The following CASZ1 variants were observed in gnomAD, a reference collection of about 807,000 sequenced individuals.
The protein encoded by CASZ1 is castor zinc finger 1.
In CASZ1, 28 loss-of-function variants were observed where a neutral mutation model predicts 135.2. The ratio of observed to expected loss-of-function variants is 0.21; its 90% CI spans 0.15 to 0.28. CASZ1 has a LOEUF of 0.28. Ranked by LOEUF, CASZ1 falls within the 10% of genes least tolerant of loss-of-function variation. The probability of loss-of-function intolerance (pLI) is 1.00; values close to 1 mark genes in which losing one functional copy is unlikely to be tolerated. For synonymous variants in CASZ1, 1,068 were observed against 1,073.4 expected, an observed-to-expected ratio of 0.99 and a Z score of 0.10; for missense variants, 2,161 against 2,453.3, an observed-to-expected ratio of 0.88 and a Z score of 2.52.
In CASZ1 at chr1:10,648,195, G is replaced by A. The variant is rs926922754; in HGVS notation, c.3159-56C>T. 3.1e-6 allele frequency: 4 copies of A among 1,277,690 alleles called. No individual in the cohort carries two copies. The African/African-American group carries it at 6.0e-5, about 19-fold the overall frequency. 79.1% of individuals were successfully genotyped at this position (1,277,690 alleles called of 1,614,324 possible). On this transcript the variant is annotated intron_variant, in intron 15 of 20. Coordinates refer to ENST00000377022, the MANE Select transcript of CASZ1 (RefSeq NM_001079843.3). ...GGGGCAGTGAAGACAGGTGTGGAGG[G>A]GCATGCATGTGACCCCATCACAGGC...
At chr1:10,655,457 G>C (rs1337572372) in intron 9 of CASZ1, among the ~76,000 whole-genome samples, 192 bp downstream of exon 9, 1 of 152,262 alleles carries the variant, frequency 6.6e-6, no homozygotes, top group African/African-American at 2.4e-5. Flanking sequence ...ACCAGACGCT[G>C]CCCAAGCCTG....
rs1167521278 is a variant in CASZ1 at position 10,740,787 on chromosome 1, CA to C, written c.-77+19913del. On this transcript the variant is annotated intron_variant, in intron 2 of 20. Coordinates refer to ENST00000377022, the MANE Select transcript of CASZ1 (RefSeq NM_001079843.3). ...AATACAGTGAGACCCTGTGTCTCCA[CA>C]AAAAAAATTTTTTTTTAAAATTAGC... Among the ~76,000 whole-genome samples the C allele has an allele frequency of 5.9e-5, 9 of 151,614 alleles. No homozygotes were observed. The East Asian group carries it at 1.2e-3, about 20-fold the overall frequency.
chr1:10,722,427 A>C (rs957125351), intron 2 of CASZ1, among the ~76,000 whole-genome samples: 4 of 152,224 alleles, frequency 2.6e-5, no homozygotes, highest in African/African-American at 9.7e-5. Flanking sequence ...GGGCCAGCGA[A>C]CAAGGGGAGC....
At chr1:10,656,974 G>C (rs1032430037) in intron 7 of CASZ1, among the ~76,000 whole-genome samples, 1 of 152,158 alleles carries the variant, frequency 6.6e-6, no homozygotes, top group Admixed American at 6.5e-5. Context: ...GTCAAAGTAG[G>C]GGGAGACAGA....
intron 1 of CASZ1, among the ~76,000 whole-genome samples, chr1:10,769,755 G>C (rs977037353): frequency 1.3e-5 from 2 of 152,194 alleles, no homozygotes; most frequent in Non-Finnish European, 2.9e-5. Flanking sequence ...GACCTCAAGT[G>C]ATCTGCCCAC....
At chr1:10,795,747 C>G (rs966673451) in intron 1 of CASZ1, among the ~76,000 whole-genome samples, 2 of 145,878 alleles carry the variant, frequency 1.4e-5, no homozygotes, top group Non-Finnish European at 3.1e-5. Context: ...CGCCACTTGC[C>G]GCGCCTGGAG....
At chr1:10,662,560 AC>A (rs1251863880) in intron 5 of CASZ1, among the ~76,000 whole-genome samples, 1 of 151,730 alleles carries the variant, frequency 6.6e-6, no homozygotes, top group Non-Finnish European at 1.5e-5. Flanking sequence ...CACACTCTAC[AC>A]ACCCAGTCAT....
At chr1:10,760,085 G>A (rs1402031760) in intron 2 of CASZ1, among the ~76,000 whole-genome samples, 1 of 152,148 alleles carries the variant, frequency 6.6e-6, no homozygotes, top group African/African-American at 2.4e-5. Context: ...CCTGCCTTAC[G>A]CAAAGGGCTA....
intron 1 of CASZ1, among the ~76,000 whole-genome samples, chr1:10,793,228 G>T (rs1399676908): frequency 6.7e-6 from 1 of 148,624 alleles, no homozygotes; most frequent in East Asian, 2.0e-4. Context: ...AAAGAATTTT[G>T]CTCTTATATG....
chr1:10,661,888 A>G (rs920081430), intron 5 of CASZ1, among the ~76,000 whole-genome samples: 1 of 151,908 alleles, frequency 6.6e-6, no homozygotes, highest in Non-Finnish European at 1.5e-5. Context: ...ATGCAATCAC[A>G]TACAACACAC....
Position 10,718,578 on chromosome 1 carries a change from C to A in CASZ1, c.-76-13034G>T, listed in dbSNP as rs144670437. Among the ~76,000 whole-genome samples the A allele has an allele frequency of 7.2e-5, 11 of 152,358 alleles. No individual in the cohort carries two copies. The East Asian group carries it at 1.4e-3, about 19-fold the overall frequency. On this transcript the variant is annotated intron_variant, in intron 2 of 20. Coordinates refer to ENST00000377022, the MANE Select transcript of CASZ1 (RefSeq NM_001079843.3). ...GGCCCCCACTTCTGGTTCTGCCCTG[C>A]CAGAGGCACATGCAGCCAAAGTCGC... is the stretch of plus-strand genomic sequence containing the variant.
chr1:10,697,185 C>T lies in CASZ1; in HGVS notation c.-23-3273G>A, dbSNP rs551235847. ...AGGTCAGAGAAGGCGGCGGAGGCTTCGAGGTTGTGGGGTATGAGTCAGAGG... is the reference window on the plus strand; with the variant it reads ...AGGTCAGAGAAGGCGGCGGAGGCTTTGAGGTTGTGGGGTATGAGTCAGAGG... On this transcript the variant is annotated intron_variant, in intron 3 of 20. Coordinates refer to ENST00000377022, the MANE Select transcript of CASZ1 (RefSeq NM_001079843.3). The surrounding 1 kb of genome is among the most constrained non-coding windows in gnomAD (Gnocchi z 4.7). Among the ~76,000 whole-genome samples, 151 of 152,304 alleles carry T rather than the reference C, an allele frequency of 9.9e-4. 1 individual carries two copies. Among genetic ancestry groups the T allele is most frequent in the Non-Finnish European group, 1.5e-3 (103 of 68,026 alleles).
intron 2 of CASZ1, among the ~76,000 whole-genome samples, chr1:10,751,024 C>CA (rs1322352613): frequency 6.6e-6 from 1 of 151,642 alleles, no homozygotes; most frequent in Non-Finnish European, 1.5e-5. Context: ...CACCAGTGAG[C>CA]ACATGGTGAG....
intron 1 of CASZ1, among the ~76,000 whole-genome samples, chr1:10,785,137 C>T (rs5007609): frequency 0.019 from 432 of 22,590 alleles, no homozygotes; most frequent in Middle Eastern, 0.059. Flanking sequence ...TTCTTCCTTC[C>T]TTCCTCCCTC....
intron 1 of CASZ1, among the ~76,000 whole-genome samples, chr1:10,779,480 G>A (rs1640723982): frequency 1.3e-5 from 2 of 151,992 alleles, no homozygotes; most frequent in African/African-American, 4.8e-5. Context: ...CTCGCCTGGC[G>A]CTGCCCCGCC....
In CASZ1 at chr1:10,724,668, C is replaced by G. The variant is rs1053312123; in HGVS notation, c.-76-19124G>C. Among the ~76,000 whole-genome samples the G allele has an allele frequency of 6.6e-6, 1 of 152,162 alleles. No individual in the cohort carries two copies. Among genetic ancestry groups the G allele is most frequent in the Non-Finnish European group, 1.5e-5 (1 of 68,030 alleles). On this transcript the variant is annotated intron_variant, in intron 2 of 20. Coordinates refer to ENST00000377022, the MANE Select transcript of CASZ1 (RefSeq NM_001079843.3). This position sits in a 1 kb window ranked among gnomAD's most constrained non-coding sequence, Gnocchi z 4.1. ...CAGCCAAAGCAAGCAGGGCCTAGCACGAGCTCCAAGGTTGCCCCTGGTCTT... is the reference window on the plus strand; with the variant it reads ...CAGCCAAAGCAAGCAGGGCCTAGCAGGAGCTCCAAGGTTGCCCCTGGTCTT...
intron 2 of CASZ1, among the ~76,000 whole-genome samples, chr1:10,738,328 G>A (rs1275979233): frequency 6.6e-6 from 1 of 152,244 alleles, no homozygotes; most frequent in Non-Finnish European, 1.5e-5. Flanking sequence ...TGACGCGGCA[G>A]GAAACCCGGA....
At position 10,741,583 on chromosome 1, in the gene CASZ1, C is replaced by A. The variant is rs2100532762; in HGVS notation, c.-77+19118G>T. Among the ~76,000 whole-genome samples the A allele has an allele frequency of 6.6e-6, 1 of 152,172 alleles. No homozygotes were observed. Among genetic ancestry groups the A allele is most frequent in the Non-Finnish European group, 1.5e-5 (1 of 67,984 alleles). On this transcript the variant is annotated intron_variant, in intron 2 of 20. Coordinates refer to ENST00000377022, the MANE Select transcript of CASZ1 (RefSeq NM_001079843.3). The surrounding 1 kb of genome is among the most constrained non-coding windows in gnomAD (Gnocchi z 5.0). ...GAAATACATTTGTTGGTGCCAAACC[C>A]CTGGTTTTATTATCCGGGAGAAAAA...
rs1022365332 is a variant in CASZ1 at position 10,788,851 on chromosome 1, C to A, written c.-234+7713G>T. Among the ~76,000 whole-genome samples, 1 of 152,224 alleles carries A rather than the reference C, an allele frequency of 6.6e-6. No individual in the cohort carries two copies. The highest frequency in any genetic ancestry group is 1.5e-5 in the Non-Finnish European group (1 of 68,038). On this transcript the variant is annotated intron_variant, in intron 1 of 20. Transcript: ENST00000377022. This position sits in a 1 kb window ranked among gnomAD's most constrained non-coding sequence, Gnocchi z 4.1. ...CTGCCCAGCCAGCAGAGGCATCGCA[C>A]AGAGGAGCCCACCAGTGGGGACAGA...
Sources: gnomAD v4.1 joint callset for allele counts (sites outside exome capture counted in the v4.1 genomes callset) on GRCh38, gnomAD v4.1.1 for gene constraint, Gnocchi (gnomAD v3.1) non-coding constraint, MANE v1.5 for transcripts, NCBI Gene and HGNC (gene_info 2026-07-23, HGNC 2026-07-21) for gene names.